FA2H: variants seen among roughly 807,000 people sequenced by gnomAD.
FA2H encodes fatty acid alpha-hydroxylase.
FA2H carries 22 observed loss-of-function variants against 44.9 expected under a neutral mutation model. That is an observed-to-expected ratio of 0.49 (90% CI 0.35 to 0.70). The LOEUF (loss-of-function observed/expected upper bound fraction) is 0.70, where lower values mean the gene tolerates loss of function less well. Ranked by LOEUF, FA2H falls within the 30% of genes least tolerant of loss-of-function variation. FA2H has a pLI of 0.01. For synonymous variants in FA2H, 243 were observed against 213.2 expected, an observed-to-expected ratio of 1.14 and a Z score of -1.22; for missense variants, 501 against 504.9, an observed-to-expected ratio of 0.99 and a Z score of 0.07.
chr16:74,716,533 A>G lies in FA2H; in HGVS notation c.853T>C (p.Tyr285His). 6.2e-7 allele frequency: 1 copy of G among 1,611,026 alleles called. No homozygotes were observed. Among genetic ancestry groups the G allele is most frequent in the Non-Finnish European group, 8.5e-7 (1 of 1,178,744 alleles). The change falls in exon 6 of 7, where the codon TAC (tyrosine) becomes CAC (histidine). Residue 285 changes from tyrosine (Y) to histidine (H), a missense_variant. Coordinates refer to ENST00000219368, the MANE Select transcript of FA2H (RefSeq NM_024306.5). The part of the protein sequence containing the change: ...VPASLVIGVF[Y>H]LCMQLILPEA... Reference sequence around the variant, plus strand: ...GGCAGGATGAGCTGCATGCACAAGTAGAAGACGCCGATCACCAGGGAGGCT... The same window carrying G: ...GGCAGGATGAGCTGCATGCACAAGTGGAAGACGCCGATCACCAGGGAGGCT...
rs573835278 is a variant in FA2H, at chr16:74,716,493, C to T, written c.893G>A (p.Gly298Asp). 6.2e-7 allele frequency: 1 copy of T among 1,613,714 alleles called. No homozygotes were observed. The highest frequency in any genetic ancestry group is 1.1e-5 in the South Asian group (1 of 91,060). Reference sequence around the variant, plus strand: ...CAGGAGGCCCCCCGCAAACACAGTGCCCCCTACTGCCTCGGGCAGGATGAG... The same window carrying T: ...CAGGAGGCCCCCCGCAAACACAGTGTCCCCTACTGCCTCGGGCAGGATGAG... ...MQLILPEAVGGTVFAGGLLGY... is the reference protein window; with the variant it reads ...MQLILPEAVGDTVFAGGLLGY... The change falls in exon 6 of 7, where the codon GGC becomes GAC. Residue 298 changes from glycine to aspartate, a missense_variant. Gly to Asp is a moderately conservative substitution (Grantham distance 94). Transcript: ENST00000219368.
chr16:74,732,812 C>T (rs1326774007), intron 2 of FA2H, among the ~76,000 whole-genome samples: 2 of 152,218 alleles, frequency 1.3e-5, no homozygotes, highest in Non-Finnish European at 1.5e-5. Flanking sequence ...TAAGCAGGGA[C>T]TTCAGCCTAG....
chr16:74,758,631 A>C (rs2144655997), intron 1 of FA2H, among the ~76,000 whole-genome samples: 1 of 152,222 alleles, frequency 6.6e-6, no homozygotes, highest in South Asian at 2.1e-4. Context: ...TGTCGATTAG[A>C]ATGAGAGTTT....
chr16:74,769,973 G>C (rs1249761028), intron 1 of FA2H, among the ~76,000 whole-genome samples: 2 of 152,246 alleles, frequency 1.3e-5, no homozygotes, highest in Admixed American at 6.5e-5. Flanking sequence ...GTGAATGTGT[G>C]TACCTACAGA....
Position 74,774,664 on chromosome 16 carries a change from G to T in FA2H, c.92C>A (p.Ala31Asp). ...GAAGCTGGAGAGGTCGTAGAGGCGG[G>T]CCCCGCGGCGGACCCAGCACGCGCC... is the stretch of plus-strand genomic sequence containing the variant. ...AAGACWVRRG[A>D]RLYDLSSFVR... Residue 31 changes from alanine to aspartate, a missense_variant, in exon 1 of 7, where the codon GCC (alanine) becomes GAC (aspartate). Physicochemically the swap from Ala to Asp is moderately radical, Grantham distance 126. Coordinates refer to ENST00000219368, the MANE Select transcript of FA2H (RefSeq NM_024306.5). 7.0e-7 allele frequency: 1 copy of T among 1,436,312 alleles called. No individual in the cohort carries two copies. Among genetic ancestry groups the T allele is most frequent in the Non-Finnish European group, 9.1e-7 (1 of 1,098,002 alleles). 89.0% of individuals were successfully genotyped at this position (1,436,312 alleles called of 1,614,324 possible). A position where few individuals can be genotyped will look rare whatever the true frequency, so the allele number is the denominator to read the frequency against.
At chr16:74,769,926 A>T (rs936001202) in intron 1 of FA2H, among the ~76,000 whole-genome samples, 5 of 152,186 alleles carry the variant, frequency 3.3e-5, no homozygotes, top group African/African-American at 1.2e-4. Context: ...GGCTCAAACA[A>T]GTTGGACTTG....
At chr16:74,747,686 G>A (rs1962451489) in intron 1 of FA2H, among the ~76,000 whole-genome samples, 1 of 152,106 alleles carries the variant, frequency 6.6e-6, no homozygotes, top group Non-Finnish European at 1.5e-5. Flanking sequence ...AGAGCAGCTG[G>A]CAGCCCCCAG....
intron 4 of FA2H, among the ~76,000 whole-genome samples, chr16:74,725,060 G>A (rs969766574): frequency 3.9e-5 from 6 of 152,198 alleles, no homozygotes; most frequent in Admixed American, 3.3e-4. Context: ...AACAAGCTCC[G>A]TGCTGTGCCT....
chr16:74,764,326 C>G (rs1306437898), intron 1 of FA2H, among the ~76,000 whole-genome samples: 3 of 152,156 alleles, frequency 2.0e-5, no homozygotes. Context: ...CCCAAACGCC[C>G]ATCAATGGTA....
intron 4 of FA2H, 148 bp from the exon 5 acceptor site, chr16:74,719,308 G>A: frequency 1.5e-6 from 1 of 687,778 alleles, no homozygotes; most frequent in Non-Finnish European, 2.5e-6. Flanking sequence ...TGGGGTCCTT[G>A]AGTCAAAATG....
chr16:74,771,452 A>G (rs1440495579), intron 1 of FA2H, among the ~76,000 whole-genome samples: 1 of 151,896 alleles, frequency 6.6e-6, no homozygotes, highest in Non-Finnish European at 1.5e-5. Context: ...CAGCCTCCCA[A>G]GCAGCTGGGA....
At chr16:74,740,255 G>A in intron 1 of FA2H, 140 bp from the exon 2 acceptor site, 1 of 727,496 alleles carries the variant, frequency 1.4e-6, no homozygotes, top group Non-Finnish European at 2.5e-6. Flanking sequence ...AGGACGCTGG[G>A]TACTTTGGAA....
chr16:74,720,480 G>T (rs1961812191), intron 4 of FA2H, among the ~76,000 whole-genome samples: 1 of 151,844 alleles, frequency 6.6e-6, no homozygotes, highest in Non-Finnish European at 1.5e-5. Context: ...ACAGATATGA[G>T]CCACCGTGCC....
At chr16:74,745,483 C>T (rs2144641542) in intron 1 of FA2H, among the ~76,000 whole-genome samples, 1 of 152,324 alleles carries the variant, frequency 6.6e-6, no homozygotes, top group South Asian at 2.1e-4. Flanking sequence ...TTCCATAGCC[C>T]ACGTCTACTT....
chr16:74,762,757 T>G (rs1962736373), intron 1 of FA2H, among the ~76,000 whole-genome samples: 1 of 152,202 alleles, frequency 6.6e-6, no homozygotes, highest in Non-Finnish European at 1.5e-5. Flanking sequence ...CTTGAACTCC[T>G]GACCTTGTGA....
At chr16:74,737,956 T>A (rs1186177719) in intron 2 of FA2H, among the ~76,000 whole-genome samples, 2 of 152,018 alleles carry the variant, frequency 1.3e-5, no homozygotes, top group Non-Finnish European at 2.9e-5. Flanking sequence ...GCCCGTGAGG[T>A]GAACGAGGCA....
chr16:74,771,230 A>G (rs7185704), intron 1 of FA2H, among the ~76,000 whole-genome samples: 114,576 of 151,816 alleles, frequency 0.75, 43,713 homozygotes, highest in African/African-American at 0.82. Flanking sequence ...CTTACCTGTC[A>G]CCCAGACTGG....
intron 2 of FA2H, among the ~76,000 whole-genome samples, chr16:74,739,013 G>T (rs1432974642): frequency 1.3e-5 from 2 of 152,226 alleles, no homozygotes; most frequent in Non-Finnish European, 2.9e-5. Context: ...TCATGCGACA[G>T]GTGGGATCTC....
At chr16:74,746,006 C>T (rs568597062) in intron 1 of FA2H, among the ~76,000 whole-genome samples, 4 of 152,138 alleles carry the variant, frequency 2.6e-5, no homozygotes, top group African/African-American at 4.8e-5. Context: ...GGGGTTTCAC[C>T]GTGTTGCCCA....
Sources: gnomAD v4.1 joint callset for allele counts (sites outside exome capture counted in the v4.1 genomes callset) on GRCh38, gnomAD v4.1.1 for gene constraint, MANE v1.5 for transcripts, NCBI Gene and HGNC (gene_info 2026-07-23, HGNC 2026-07-21) for gene names.